OR51B5: variants seen among roughly 807,000 people sequenced by gnomAD.
OR51B5 encodes olfactory receptor family 51 subfamily B member 5.
For missense variants in OR51B5, 456 were observed against 374.6 expected, an observed-to-expected ratio of 1.22 and a Z score of -1.79; for synonymous variants, 186 against 144.8, an observed-to-expected ratio of 1.28 and a Z score of -2.04.
chr11:5,344,720 A>G (rs978245404), upstream of OR51B5, among the ~76,000 whole-genome samples: 2 of 152,234 alleles, frequency 1.3e-5, no homozygotes, highest in African/African-American at 4.8e-5. Context: ...ATCATGTGAC[A>G]GCCATGATAT....
chr11:5,430,569 A>C, intron 1 of OR51B5: 1 of 369,108 alleles, frequency 2.7e-6, no homozygotes, highest in Non-Finnish European at 5.4e-6. Context: ...CCTCCTCAAA[A>C]TGCCTAATGT....
chr11:5,374,546 G>A (rs976531328), intron 1 of OR51B5, among the ~76,000 whole-genome samples: 1 of 152,116 alleles, frequency 6.6e-6, no homozygotes, highest in African/African-American at 2.4e-5. Context: ...GCTACAGGAG[G>A]AAATTCAAAC....
intron 1 of OR51B5, chr11:5,488,809 T>G (rs776700987): frequency 6.2e-7 from 1 of 1,614,084 alleles, no homozygotes; most frequent in Non-Finnish European, 8.5e-7. Flanking sequence ...CATCCCTTTC[T>G]GTGCCATGTA....
rs1851178108 is a variant in OR51B5 at position 5,468,797 on chromosome 11, G to C, written n.84+36772C>G. 8.8e-6 allele frequency: 4 copies of C among 455,628 alleles called. No homozygotes were observed. In the Admixed American group the frequency reaches 9.4e-5, roughly 11 times the overall value. The allele number at this position is 455,628 out of a possible 1,614,324, so 28.2% of individuals were successfully genotyped here. On this transcript the variant is annotated intron_variant and non_coding_transcript_variant, in intron 1 of 4. Transcript: ENST00000415970. Reference sequence around the variant, plus strand: ...GATGAGCAGTGAATCTACACCAAAGGCAGAGATGACAATGAACAGGCCATA... The same window carrying C: ...GATGAGCAGTGAATCTACACCAAAGCCAGAGATGACAATGAACAGGCCATA...
At chr11:5,440,672 G>A (rs956266746) in intron 1 of OR51B5, 7 of 1,613,808 alleles carry the variant, frequency 4.3e-6, no homozygotes, top group Middle Eastern at 1.6e-4. Flanking sequence ...CAAACAGGTA[G>A]ACATTGGACA....
intron 1 of OR51B5, among the ~76,000 whole-genome samples, chr11:5,400,688 A>G (rs969178415): frequency 2.0e-5 from 3 of 152,208 alleles, no homozygotes; most frequent in Non-Finnish European, 2.9e-5. Flanking sequence ...CTGTATTTGA[A>G]TATCTGTGGA....
At chr11:5,407,835 C>CAT (rs1850081899) in intron 1 of OR51B5, among the ~76,000 whole-genome samples, 1 of 151,736 alleles carries the variant, frequency 6.6e-6, no homozygotes, top group Admixed American at 6.6e-5. Flanking sequence ...TTTTAATTAC[C>CAT]ATATATTTCC....
chr11:5,438,364 C>CA (rs1564813280), intron 1 of OR51B5, among the ~76,000 whole-genome samples: 3 of 135,306 alleles, frequency 2.2e-5, no homozygotes, highest in Admixed American at 7.5e-5. Context: ...CACCCCCCCC[C>CA]AGTTATCCAG....
chr11:5,356,110 T>C (rs11825642), intron 1 of OR51B5, among the ~76,000 whole-genome samples: 20 of 151,500 alleles, frequency 1.3e-4, no homozygotes, highest in Admixed American at 5.9e-4. Context: ...CCAGCAACGG[T>C]ACAAAGCTGG....
At chr11:5,497,029 G>A (rs1203777020) in intron 1 of OR51B5, among the ~76,000 whole-genome samples, 3 of 124,936 alleles carry the variant, frequency 2.4e-5, no homozygotes, top group Non-Finnish European at 5.0e-5. Context: ...ACAGAAGATG[G>A]TGAATCAATG....
At chr11:5,440,679 G>A (rs1328071986) in intron 1 of OR51B5, 9 of 1,613,874 alleles carry the variant, frequency 5.6e-6, no homozygotes, top group Non-Finnish European at 7.6e-6. Context: ...GTAGACATTG[G>A]ACATCATGAC....
At chr11:5,462,978 G>A (rs1206751832) in intron 1 of OR51B5, among the ~76,000 whole-genome samples, 1 of 152,092 alleles carries the variant, frequency 6.6e-6, no homozygotes, top group Admixed American at 6.6e-5. Context: ...CCCTCTGCAG[G>A]GAATAGGAGG....
chr11:5,453,149 T>C (rs2133786630), intron 1 of OR51B5: 1 of 180,316 alleles, frequency 5.5e-6, no homozygotes, highest in East Asian at 1.5e-4. Flanking sequence ...TTCTATTGAA[T>C]CATGCCTCCA....
chr11:5,356,178 G>C (rs529669574), intron 1 of OR51B5, among the ~76,000 whole-genome samples: 2 of 152,200 alleles, frequency 1.3e-5, no homozygotes, highest in Non-Finnish European at 2.9e-5. Flanking sequence ...AAACTACTCC[G>C]AGCTAAAGGA....
intron 1 of OR51B5, among the ~76,000 whole-genome samples, chr11:5,371,446 G>T (rs1011401353): frequency 2.6e-5 from 4 of 152,210 alleles, no homozygotes; most frequent in East Asian, 3.9e-4. Flanking sequence ...ACCAGAGGCA[G>T]AGGTACCCTG....
At chr11:5,378,963 T>C (rs942432101) in intron 1 of OR51B5, among the ~76,000 whole-genome samples, 4 of 151,488 alleles carry the variant, frequency 2.6e-5, no homozygotes, top group Non-Finnish European at 5.9e-5. Flanking sequence ...CATTACTGGG[T>C]ATATACCCAA....
chr11:5,349,141 G>A (rs1589945768), intron 1 of OR51B5, among the ~76,000 whole-genome samples: 1 of 152,176 alleles, frequency 6.6e-6, no homozygotes, highest in Middle Eastern at 3.4e-3. Context: ...CAGGGATGAG[G>A]CAAAGGTTTT....
At chr11:5,383,301 T>A (rs543467368) in intron 1 of OR51B5, among the ~76,000 whole-genome samples, 2 of 152,112 alleles carry the variant, frequency 1.3e-5, no homozygotes, top group Admixed American at 1.3e-4. Context: ...TCCAAAGATA[T>A]AGAGGCTGGC....
intron 1 of OR51B5, among the ~76,000 whole-genome samples, chr11:5,423,783 A>C (rs532881524): frequency 6.5e-4 from 99 of 152,222 alleles, no homozygotes; most frequent in Non-Finnish European, 9.4e-4. Context: ...CAAAATAAAC[A>C]TATGCAAGAA....
Sources: gnomAD v4.1 joint callset for allele counts (sites outside exome capture counted in the v4.1 genomes callset) on GRCh38, gnomAD v4.1.1 for gene constraint, MANE v1.5 for transcripts, NCBI Gene and HGNC (gene_info 2026-07-23, HGNC 2026-07-21) for gene names.